The following VLDLR variants were observed in gnomAD, a reference collection of about 807,000 sequenced individuals.
VLDLR encodes very low-density lipoprotein receptor.
In VLDLR, 81 loss-of-function variants were observed where a neutral mutation model predicts 112.7. The observed-to-expected ratio is 0.72, with a 90% CI of 0.60 to 0.86. VLDLR has a LOEUF of 0.86. Ranked by LOEUF, VLDLR falls within the 40% of genes least tolerant of loss-of-function variation. The pLI, the probability that VLDLR is intolerant of heterozygous loss-of-function variation, is 0.00. For missense variants in VLDLR, 1,237 were observed against 1,099.4 expected (o/e 1.13, Z -1.77); for synonymous variants, 436 against 384.8 (o/e 1.13, Z -1.56).
intron 1 of VLDLR, 83 bp downstream of exon 1, chr9:2,622,354 C>A (rs959773444): frequency 1.6e-6 from 2 of 1,242,728 alleles, no homozygotes; most frequent in Admixed American, 3.7e-5. Context: ...CTCCGTTTGC[C>A]CACCCGCCTC....
rs748773437 is a variant in VLDLR at position 2,641,473 on chromosome 9, A to C, written c.422A>C (p.Asp141Ala). 1.2e-5 allele frequency: 20 copies of C among 1,614,076 alleles called. No individual in the cohort carries two copies. In the South Asian group the frequency reaches 1.5e-4, roughly 12 times the overall value. ...SWRCDGENDCDSGEDEENCGN... is the reference protein window; with the variant it reads ...SWRCDGENDCASGEDEENCGN... ...AGATGTGATGGTGAAAATGATTGTG[A>C]CAGTGGAGAAGATGAAGAAAACTGT... Residue 141 changes from aspartate to alanine, a missense_variant, in exon 4 of 19, where the codon GAC becomes GCC. By Grantham distance (126) the Asp-to-Ala change is moderately radical (BLOSUM62 -2). Transcript: ENST00000382100.
At chr9:2,650,299 A>G (rs1818263075) in intron 14 of VLDLR, 71 bp from the exon 15 acceptor site, 2 of 1,600,636 alleles carry the variant, frequency 1.2e-6, no homozygotes, top group Middle Eastern at 4.3e-4. Context: ...GGTCTTCAAC[A>G]TGTAGAACAA....
chr9:2,622,752 G>A (rs758534549), intron 1 of VLDLR, among the ~76,000 whole-genome samples: 4 of 152,154 alleles, frequency 2.6e-5, no homozygotes, highest in Non-Finnish European at 5.9e-5. Context: ...GACGCGGAGC[G>A]CCAGGGGCCG....
chr9:2,656,983 C>G lies in VLDLR; in HGVS notation c.*3115C>G, dbSNP rs542629836. ...AAAAAAAAAAAAATTGAGGCTTTCA[C>G]TTTGGCATTTGCTTCTGTTCCTTGT... On this transcript the variant is annotated 3_prime_UTR_variant, in exon 19 of 19. Transcript: ENST00000382100. The G allele has an allele frequency of 2.9e-5, 4 of 139,276 alleles. No individual in the cohort carries two copies. The East Asian group carries it at 9.3e-4, about 32-fold the overall frequency. The allele number at this position is 139,276 out of a possible 1,614,324, so 8.6% of individuals were successfully genotyped here. A position where few individuals can be genotyped will look rare whatever the true frequency, so the allele number is the denominator to read the frequency against.
chr9:2,628,786 G>T (rs962757643), intron 1 of VLDLR, among the ~76,000 whole-genome samples: 1 of 152,168 alleles, frequency 6.6e-6, no homozygotes, highest in Non-Finnish European at 1.5e-5. Flanking sequence ...ATGGATTTTA[G>T]AAGAACCTCT....
chr9:2,652,265 C>A (rs942703980), intron 17 of VLDLR, among the ~76,000 whole-genome samples: 1 of 152,104 alleles, frequency 6.6e-6, no homozygotes, highest in Non-Finnish European at 1.5e-5. Flanking sequence ...TTCTGTTCCC[C>A]CTTTGAAATG....
Position 2,653,719 on chromosome 9 carries a change from C to A in VLDLR, c.2587-114C>A, listed in dbSNP as rs34745933. 1.9e-3 allele frequency: 2,094 copies of A among 1,089,340 alleles called. 40 individuals carry two copies. The African/African-American group carries it at 0.029, about 15-fold the overall frequency. The allele number at this position is 1,089,340 out of a possible 1,614,324, so 67.5% of individuals were successfully genotyped here. A position where few individuals can be genotyped will look rare whatever the true frequency, so the allele number is the denominator to read the frequency against. On this transcript the variant is annotated intron_variant, in intron 18 of 18. Coordinates refer to ENST00000382100, the MANE Select transcript of VLDLR (RefSeq NM_003383.5). ...CTTTTGTATCTGACTGACTTTTCTT[C>A]TAAGCACTCTGAGTGTTTGAATGAC...
intron 2 of VLDLR, among the ~76,000 whole-genome samples, chr9:2,636,636 T>G (rs1817607818): frequency 6.6e-6 from 1 of 152,194 alleles, no homozygotes; most frequent in Non-Finnish European, 1.5e-5. Context: ...GGGAAGAAAC[T>G]TACATCCAGT....
chr9:2,652,010 A>AT (rs1818373299), intron 17 of VLDLR, 56 bp downstream of exon 17: 13 of 1,569,174 alleles, frequency 8.3e-6, no homozygotes, highest in Non-Finnish European at 1.1e-5. Context: ...CCAGATGAAG[A>AT]TTTTTTGTTC....
At chr9:2,644,396 C>G (rs1817973553) in intron 7 of VLDLR, among the ~76,000 whole-genome samples, 1 of 147,446 alleles carries the variant, frequency 6.8e-6, no homozygotes, top group African/African-American at 2.5e-5. Context: ...GTCTCGAACT[C>G]CTGACCTCGT....
chr9:2,649,824 C>T (rs1198887683), intron 14 of VLDLR, among the ~76,000 whole-genome samples: 1 of 152,202 alleles, frequency 6.6e-6, no homozygotes, highest in Non-Finnish European at 1.5e-5. Context: ...TAGGGAGGAA[C>T]ACCATTCAAC....
rs1818697581 is a variant in VLDLR, at chr9:2,658,807, G to C, written c.*4939G>C. 1 of 152,158 alleles carries C rather than the reference G, an allele frequency of 6.6e-6. No homozygotes were observed. The highest frequency in any genetic ancestry group is 2.4e-5 in the African/African-American group (1 of 41,430). 9.4% of individuals were successfully genotyped at this position (152,158 alleles called of 1,614,324 possible). On this transcript the variant is annotated 3_prime_UTR_variant, in exon 19 of 19. Coordinates refer to ENST00000382100, the MANE Select transcript of VLDLR (RefSeq NM_003383.5). ...GGCACCGGTAAGTGACTTTACCGGT[G>C]AAAGTCACAGGTACCTTTATCTATG...
chr9:2,637,982 A>G (rs1309486496), intron 2 of VLDLR, among the ~76,000 whole-genome samples: 3 of 152,164 alleles, frequency 2.0e-5, no homozygotes, highest in Admixed American at 6.5e-5. Context: ...CAATCAATCA[A>G]TCAATCATGG....
chr9:2,625,709 C>T (rs960049722), intron 1 of VLDLR, among the ~76,000 whole-genome samples: 2 of 152,184 alleles, frequency 1.3e-5, no homozygotes, highest in Admixed American at 6.5e-5. Flanking sequence ...CTAATTTAAT[C>T]TCAAAAGAAT....
At chr9:2,647,681 G>A in intron 12 of VLDLR, 89 bp downstream of exon 12, 1 of 1,163,874 alleles carries the variant, frequency 8.6e-7, no homozygotes, top group African/African-American at 1.5e-5. Context: ...ACTAGCAGAT[G>A]ACTCTACTGC....
chr9:2,649,494 C>A (rs1818223226), intron 14 of VLDLR, among the ~76,000 whole-genome samples: 1 of 152,140 alleles, frequency 6.6e-6, no homozygotes, highest in African/African-American at 2.4e-5. Flanking sequence ...TGTGTTCAAG[C>A]AATTCTCCTG....
At chr9:2,648,883 A>G in intron 14 of VLDLR, 73 bp downstream of exon 14, 1 of 1,597,786 alleles carries the variant, frequency 6.3e-7, no homozygotes, top group South Asian at 1.1e-5. Context: ...GCTGGATGTC[A>G]GTAGCTCTTG....
Position 2,655,271 on chromosome 9 carries a change from T to A in VLDLR, c.*1403T>A, listed in dbSNP as rs1450323325. On this transcript the variant is annotated 3_prime_UTR_variant, in exon 19 of 19. Coordinates refer to ENST00000382100, the MANE Select transcript of VLDLR (RefSeq NM_003383.5). Reference sequence around the variant, plus strand: ...ACAGTATGAAGAGCAGATGAGGAGTTTGAGACAAAGAAAAAATTGTACAGG... The same window carrying A: ...ACAGTATGAAGAGCAGATGAGGAGTATGAGACAAAGAAAAAATTGTACAGG... 6.6e-6 allele frequency: 1 copy of A among 152,188 alleles called. No individual in the cohort carries two copies. Among genetic ancestry groups the A allele is most frequent in the African/African-American group, 2.4e-5 (1 of 41,444 alleles). The allele number at this position is 152,188 out of a possible 1,614,324, so 9.4% of individuals were successfully genotyped here.
Position 2,652,912 on chromosome 9 carries a change from G to T in VLDLR, c.2549G>T (p.Gly850Val), listed in dbSNP as rs777707388. Residue 850 changes from glycine (G) to valine (V), a missense_variant, in exon 18 of 19, where the codon GGT becomes GTT. Coordinates refer to ENST00000382100, the MANE Select transcript of VLDLR (RefSeq NM_003383.5). ...GAAGAGGACCTCTCCATAGACATTGGTAGACACAGTGCTTCTGTTGGACAC... is the reference window on the plus strand; with the variant it reads ...GAAGAGGACCTCTCCATAGACATTGTTAGACACAGTGCTTCTGTTGGACAC... The part of the protein sequence containing the change: ...TTEEDLSIDI[G>V]RHSASVGHTY... 1 of 1,613,976 alleles carries T rather than the reference G, an allele frequency of 6.2e-7. No individual in the cohort carries two copies. Among genetic ancestry groups the T allele is most frequent in the Non-Finnish European group, 8.5e-7 (1 of 1,180,006 alleles).
Sources: gnomAD v4.1 joint callset for allele counts (sites outside exome capture counted in the v4.1 genomes callset) on GRCh38, gnomAD v4.1.1 for gene constraint, MANE v1.5 for transcripts, NCBI Gene and HGNC (gene_info 2026-07-23, HGNC 2026-07-21) for gene names.